Variants in GNB1 observed in about 807,000 individuals in gnomAD.
GNB1 encodes guanine nucleotide-binding protein G(I)/G(S)/G(T) subunit beta-1.
A neutral mutation model predicts 42.9 loss-of-function variants in GNB1; 2 were observed. The observed-to-expected ratio is 0.05, with a 90% CI of 0.02 to 0.15. The LOEUF is 0.15. Ranked by LOEUF, GNB1 falls within the 10% of genes least tolerant of loss-of-function variation. The probability of loss-of-function intolerance (pLI) is 1.00; values close to 1 mark genes in which losing one functional copy is unlikely to be tolerated. For synonymous variants in GNB1, 183 were observed against 174.7 expected, an observed-to-expected ratio of 1.05 and a Z score of -0.38; for missense variants, 193 against 462.2, an observed-to-expected ratio of 0.42 and a Z score of 5.34.
intron 1 of GNB1, among the ~76,000 whole-genome samples, chr1:1,868,239 G>A (rs1206514874): frequency 1.3e-5 from 2 of 151,968 alleles, no homozygotes; most frequent in Non-Finnish European, 2.9e-5. Context: ...GCAATGGTGC[G>A]ATCTCAGCTC....
At chr1:1,889,659 TAA>T (rs35173217) in intron 1 of GNB1, among the ~76,000 whole-genome samples, 22 of 115,252 alleles carry the variant, frequency 1.9e-4, no homozygotes, top group Non-Finnish European at 2.7e-4. Context: ...TCCCATCTCT[TAA>T]AAAAAAAAAA....
intron 1 of GNB1, among the ~76,000 whole-genome samples, chr1:1,878,114 T>C (rs1649647786): frequency 6.6e-6 from 1 of 152,172 alleles, no homozygotes; most frequent in Non-Finnish European, 1.5e-5. Context: ...ATCTGTAAGA[T>C]GGAGCTATTA....
intron 1 of GNB1, among the ~76,000 whole-genome samples, chr1:1,856,800 TG>T (rs1479321365): frequency 6.6e-6 from 1 of 152,234 alleles, no homozygotes; most frequent in East Asian, 1.9e-4. Flanking sequence ...GGTGATATGT[TG>T]GGACAACCAA....
intron 1 of GNB1, among the ~76,000 whole-genome samples, chr1:1,889,215 T>C (rs1334462548): frequency 6.6e-6 from 1 of 152,198 alleles, no homozygotes; most frequent in Non-Finnish European, 1.5e-5. Flanking sequence ...ACAAAACTAA[T>C]ACGTCCATTT....
At chr1:1,839,047 G>A (rs1450522071) in intron 2 of GNB1, 143 bp downstream of exon 2, 1 of 152,098 alleles carries the variant, frequency 6.6e-6, no homozygotes, top group African/African-American at 2.4e-5. Context: ...CTTGACCCCA[G>A]GAGTTAGAAT....
intron 1 of GNB1, among the ~76,000 whole-genome samples, chr1:1,859,613 T>G (rs1570726427): frequency 8.2e-5 from 10 of 122,610 alleles, no homozygotes; most frequent in East Asian, 4.9e-4. Flanking sequence ...TTGGCAGGAG[T>G]GGGGGAGGAA....
At chr1:1,810,307 C>T (rs918927912) in intron 5 of GNB1, among the ~76,000 whole-genome samples, 5 of 151,736 alleles carry the variant, frequency 3.3e-5, no homozygotes, top group Admixed American at 2.0e-4. Flanking sequence ...CCTCGTGATC[C>T]GCCCACCTCA....
At position 1,785,756 on chromosome 1, in the gene GNB1, T is replaced by C. The variant is rs1448443160; in HGVS notation, c.*1307A>G. ...TCTTCACTCCCTCTCCCTCCCTCTCTCTCCCTCCCCACCCTCAGAATCCAA... is the reference window on the plus strand; with the variant it reads ...TCTTCACTCCCTCTCCCTCCCTCTCCCTCCCTCCCCACCCTCAGAATCCAA... On this transcript the variant is annotated 3_prime_UTR_variant, in exon 12 of 12. Transcript: ENST00000378609. 2 of 338,780 alleles carry C rather than the reference T, an allele frequency of 5.9e-6. No homozygotes were observed. Among genetic ancestry groups the C allele is most frequent in the East Asian group, 4.2e-5 (1 of 23,598 alleles). 21.0% of individuals were successfully genotyped at this position (338,780 alleles called of 1,614,324 possible). A position where few individuals can be genotyped will look rare whatever the true frequency, so the allele number is the denominator to read the frequency against.
chr1:1,859,685 G>C (rs1372841427), intron 1 of GNB1, among the ~76,000 whole-genome samples: 2 of 134,592 alleles, frequency 1.5e-5, no homozygotes, highest in Non-Finnish European at 3.2e-5. Context: ...AGAGGAAGGA[G>C]AAGTGGGGTG....
chr1:1,818,466 C>G (rs950721522), intron 3 of GNB1: 4 of 152,186 alleles, frequency 2.6e-5, no homozygotes, highest in African/African-American at 9.7e-5. Flanking sequence ...AATCCTAGCA[C>G]TTTGGGAAGC....
intron 3 of GNB1, among the ~76,000 whole-genome samples, chr1:1,823,588 T>TA (rs1333033532): frequency 2.0e-5 from 3 of 152,162 alleles, no homozygotes; most frequent in Non-Finnish European, 4.4e-5. Context: ...AGCAAACTAT[T>TA]AAAAAAATCT....
intron 1 of GNB1, among the ~76,000 whole-genome samples, chr1:1,864,235 T>C (rs1319688437): frequency 7.3e-6 from 1 of 137,660 alleles, no homozygotes; most frequent in Admixed American, 8.1e-5. Context: ...AGGCAGAGAG[T>C]TGCTTGGGAG....
intron 8 of GNB1, among the ~76,000 whole-genome samples, chr1:1,792,554 G>C (rs1183815783): frequency 6.6e-6 from 1 of 151,768 alleles, no homozygotes; most frequent in Non-Finnish European, 1.5e-5. Flanking sequence ...AAAATTAGCT[G>C]GGTGTGGTGG....
At chr1:1,860,230 G>C (rs1648545157) in intron 1 of GNB1, among the ~76,000 whole-genome samples, 1 of 152,032 alleles carries the variant, frequency 6.6e-6, no homozygotes, top group Non-Finnish European at 1.5e-5. Context: ...TAAACATCAG[G>C]GACTTGTGGA....
intron 4 of GNB1, 31 bp from the exon 5 acceptor site, chr1:1,815,893 C>T (rs1166236149): frequency 1.5e-6 from 2 of 1,298,020 alleles, no homozygotes; most frequent in Non-Finnish European, 2.2e-6. Flanking sequence ...TGTAAATCAA[C>T]ATCTGTGATT....
intron 5 of GNB1, among the ~76,000 whole-genome samples, chr1:1,810,376 T>G (rs901896204): frequency 1.1e-4 from 17 of 151,872 alleles, no homozygotes; most frequent in African/African-American, 3.9e-4. Context: ...ACAAAAAATA[T>G]TTTTTAAAAA....
intron 1 of GNB1, among the ~76,000 whole-genome samples, chr1:1,858,931 T>A (rs1367111989): frequency 1.3e-5 from 2 of 152,128 alleles, no homozygotes; most frequent in Non-Finnish European, 2.9e-5. Context: ...GAGTCCAATC[T>A]GATTCTGAAG....
intron 1 of GNB1, among the ~76,000 whole-genome samples, chr1:1,884,722 G>A (rs533631018): frequency 1.3e-4 from 19 of 149,330 alleles, no homozygotes; most frequent in African/African-American, 4.0e-4. Flanking sequence ...TTGCTCTGTC[G>A]CCCAGGCTGG....
At chr1:1,869,747 T>C (rs963218819) in intron 1 of GNB1, among the ~76,000 whole-genome samples, 1 of 152,186 alleles carries the variant, frequency 6.6e-6, no homozygotes, top group Non-Finnish European at 1.5e-5. Context: ...TAGGTCAATA[T>C]ATACAAAAAC....
Sources: gnomAD v4.1 joint callset for allele counts (sites outside exome capture counted in the v4.1 genomes callset) on GRCh38, gnomAD v4.1.1 for gene constraint, MANE v1.5 for transcripts, NCBI Gene and HGNC (gene_info 2026-07-23, HGNC 2026-07-21) for gene names.